Variants in RALGAPA2 observed in about 807,000 individuals in gnomAD.
RALGAPA2 encodes ral GTPase-activating protein subunit alpha-2.
A neutral mutation model predicts 230.4 loss-of-function variants in RALGAPA2; 139 were observed. The observed-to-expected ratio is 0.60, with a 90% CI of 0.53 to 0.69. The LOEUF (loss-of-function observed/expected upper bound fraction) is 0.69. RALGAPA2 is among the 30% of genes least tolerant of loss of function. The probability of loss-of-function intolerance (pLI) is 0.00; values close to 1 mark genes in which losing one functional copy is unlikely to be tolerated. For synonymous variants in RALGAPA2, 847 were observed against 837.8 expected (o/e 1.01, Z -0.19); for missense variants, 2,163 against 2,276.0 (o/e 0.95, Z 1.01).
chr20:20,656,881 C>T (rs923068347), intron 3 of RALGAPA2, among the ~76,000 whole-genome samples: 1 of 152,110 alleles, frequency 6.6e-6, no homozygotes, highest in Non-Finnish European at 1.5e-5. Flanking sequence ...AGGAGTTAGG[C>T]TGCCAGGCCA....
intron 35 of RALGAPA2, among the ~76,000 whole-genome samples, chr20:20,501,937 CGAACA>C (rs2062389246): frequency 6.6e-6 from 1 of 152,044 alleles, no homozygotes; most frequent in South Asian, 2.1e-4. Context: ...CAGAACACAC[CGAACA>C]TGTATGAATT....
intron 4 of RALGAPA2, among the ~76,000 whole-genome samples, chr20:20,651,394 A>T (rs2067392050): frequency 6.6e-6 from 1 of 152,244 alleles, no homozygotes; most frequent in African/African-American, 2.4e-5. Flanking sequence ...ATATTTCAAC[A>T]TTCTGAAATA....
At chr20:20,551,399 G>A (rs1013578427) in intron 23 of RALGAPA2, among the ~76,000 whole-genome samples, 2 of 152,176 alleles carry the variant, frequency 1.3e-5, no homozygotes, top group Admixed American at 1.3e-4. Context: ...GCAATATAGT[G>A]AACAGATCAC....
chr20:20,595,151 A>AT lies in RALGAPA2; in HGVS notation c.2204-3838dup, dbSNP rs200359246. Among the ~76,000 whole-genome samples the AT allele has an allele frequency of 4.3e-4, 65 of 150,862 alleles. No individual in the cohort carries two copies. The East Asian group carries it at 0.011, about 25-fold the overall frequency. ...GTGTGTAAGCTCTTCAGTAACTTCT[A>AT]TTTTTTTTTCCAGATCTCTATTTTT... On this transcript the variant is annotated intron_variant, in intron 16 of 39. Transcript: ENST00000202677.
Position 20,524,903 on chromosome 20 carries a change from A to C in RALGAPA2, c.3694-5T>G. ...AGCAACTGTGGCCACGAGGATCTGC[A>C]TAAAAGATAAATCCCCAATCAAACA... On this transcript the variant is annotated splice_polypyrimidine_tract_variant and splice_region_variant and intron_variant, in intron 28 of 39. Coordinates refer to ENST00000202677, the MANE Select transcript of RALGAPA2 (RefSeq NM_020343.4). 1 of 1,600,664 alleles carries C rather than the reference A, an allele frequency of 6.2e-7. No homozygotes were observed.
chr20:20,448,961 T>C (rs2060927714), intron 37 of RALGAPA2, among the ~76,000 whole-genome samples: 1 of 151,902 alleles, frequency 6.6e-6, no homozygotes, highest in Non-Finnish European at 1.5e-5. Context: ...CATGGCGGGT[T>C]TTCTAGAATC....
intron 1 of RALGAPA2, among the ~76,000 whole-genome samples, chr20:20,687,173 C>T (rs1040546647): frequency 3.3e-5 from 5 of 152,184 alleles, no homozygotes; most frequent in African/African-American, 4.8e-5. Context: ...GTAAGGCAAA[C>T]TTGACAACTT....
intron 37 of RALGAPA2, among the ~76,000 whole-genome samples, chr20:20,439,623 T>A (rs893037398): frequency 2.0e-4 from 30 of 152,166 alleles, no homozygotes; most frequent in African/African-American, 6.5e-4. Context: ...GGGAGTGGGC[T>A]GGGGAGGGTG....
In RALGAPA2 at chr20:20,532,640, A is replaced by C. The variant is rs549896991; in HGVS notation, c.3474-845T>G. Among the ~76,000 whole-genome samples the C allele has an allele frequency of 5.3e-5, 8 of 152,302 alleles. No individual in the cohort carries two copies. In the East Asian group the frequency reaches 1.5e-3, roughly 29 times the overall value. The stretch of plus-strand genomic sequence containing the variant: ...AGATGTCAAGTAGGCCGTTTAATAT[A>C]TAAGTCTGAATATAAAAGGGGTTCA... On this transcript the variant is annotated intron_variant, in intron 26 of 39. Coordinates refer to ENST00000202677, the MANE Select transcript of RALGAPA2 (RefSeq NM_020343.4).
At chr20:20,614,402 AG>A (rs1420387465) in intron 13 of RALGAPA2, among the ~76,000 whole-genome samples, 4 of 152,228 alleles carry the variant, frequency 2.6e-5, no homozygotes, top group South Asian at 2.1e-4. Flanking sequence ...GAGTTTTCAA[AG>A]GAAAAAAACA....
intron 36 of RALGAPA2, among the ~76,000 whole-genome samples, chr20:20,478,925 G>C: frequency 6.6e-6 from 1 of 151,726 alleles, no homozygotes; most frequent in East Asian, 1.9e-4. Context: ...CTTTGGCAAG[G>C]TGAATCAAGA....
intron 3 of RALGAPA2, among the ~76,000 whole-genome samples, chr20:20,658,514 G>GA (rs546657182): frequency 2.3e-4 from 34 of 150,862 alleles, no homozygotes; most frequent in South Asian, 8.4e-4. Flanking sequence ...AGTAAAATAA[G>GA]AAAAAAAAAT....
intron 37 of RALGAPA2, among the ~76,000 whole-genome samples, chr20:20,419,559 A>G (rs1332241670): frequency 1.3e-5 from 2 of 152,204 alleles, no homozygotes; most frequent in Non-Finnish European, 2.9e-5. Flanking sequence ...GACAGAAGGG[A>G]TTCAAAAAGC....
rs1178483826 is a variant in RALGAPA2, at chr20:20,392,141, T to C, written c.*1148A>G. ...CCAGGGCGCCCCAGCAGGAGAGGGC[T>C]CACCATTGCTTCTCTTTTCATTCAT... On this transcript the variant is annotated 3_prime_UTR_variant, in exon 40 of 40. Coordinates refer to ENST00000202677, the MANE Select transcript of RALGAPA2 (RefSeq NM_020343.4). 1 of 152,152 alleles carries C rather than the reference T, an allele frequency of 6.6e-6. No individual in the cohort carries two copies. The highest frequency in any genetic ancestry group is 6.5e-5 in the Admixed American group (1 of 15,284). The allele number at this position is 152,152 out of a possible 1,614,324, so 9.4% of individuals were successfully genotyped here.
intron 38 of RALGAPA2, among the ~76,000 whole-genome samples, chr20:20,404,448 G>A (rs952508131): frequency 2.0e-4 from 31 of 152,152 alleles, no homozygotes; most frequent in Admixed American, 1.6e-3. Context: ...TGGTTTGGCT[G>A]TTCCTAAACA....
rs186041632 is a variant in RALGAPA2, at chr20:20,595,954, A to C, written c.2204-4640T>G. On this transcript the variant is annotated intron_variant, in intron 16 of 39. Coordinates refer to ENST00000202677, the MANE Select transcript of RALGAPA2 (RefSeq NM_020343.4). ...GAGGTACAAAGCAAGACTCTATCTC[A>C]AAAAAAAACAAACAAAAAACAAACA... is the stretch of plus-strand genomic sequence containing the variant. Among the ~76,000 whole-genome samples the C allele has an allele frequency of 1.2e-3, 177 of 151,148 alleles. 1 individual carries two copies. The highest frequency in any genetic ancestry group is 4.1e-3 in the African/African-American group (169 of 41,196).
intron 23 of RALGAPA2, among the ~76,000 whole-genome samples, chr20:20,566,379 A>G (rs552844740): frequency 8.5e-5 from 13 of 152,352 alleles, no homozygotes; most frequent in South Asian, 6.2e-4. Flanking sequence ...AAACAAATGT[A>G]TCAATCGGTA....
At chr20:20,586,056 C>T (rs2065124987) in intron 18 of RALGAPA2, among the ~76,000 whole-genome samples, 2 of 152,114 alleles carry the variant, frequency 1.3e-5, no homozygotes, top group South Asian at 4.1e-4. Flanking sequence ...ATCTAATGTG[C>T]TAAGAGGAAA....
At chr20:20,452,729 T>C (rs2061016438) in intron 37 of RALGAPA2, among the ~76,000 whole-genome samples, 1 of 152,278 alleles carries the variant, frequency 6.6e-6, no homozygotes, top group South Asian at 2.1e-4. Context: ...TGCTCGTTCA[T>C]GCCTTCAGTC....
Sources: allele counts gnomAD v4.1 joint callset (sites outside exome capture counted in the v4.1 genomes callset), GRCh38; gene constraint gnomAD v4.1.1; transcripts MANE v1.5; gene names NCBI Gene and HGNC (gene_info 2026-07-23, HGNC 2026-07-21).